Variants in PARP8 observed in about 807,000 individuals in gnomAD.
PARP8 encodes the protein poly(ADP-ribose) polymerase family member 8, also known as protein mono-ADP-ribosyltransferase PARP8.
Under a neutral mutation model 124.1 loss-of-function variants are expected in PARP8, and 51 were observed. The ratio of observed to expected loss-of-function variants is 0.41; its 90% confidence interval spans 0.33 to 0.52. The LOEUF (loss-of-function observed/expected upper bound fraction) is 0.52, where lower values mean the gene tolerates loss of function less well. Among genes scored for constraint, PARP8 ranks in the 20% least tolerant of loss-of-function variants. The probability of loss-of-function intolerance (pLI) is 0.21; values close to 1 mark genes in which losing one functional copy is unlikely to be tolerated. For missense variants in PARP8, 860 were observed against 1,018.9 expected (o/e 0.84, Z 2.12); for synonymous variants, 391 against 361.5 (o/e 1.08, Z -0.93).
At chr5:50,719,833 C>T (rs1755695117) in intron 2 of PARP8, among the ~76,000 whole-genome samples, 1 of 151,906 alleles carries the variant, frequency 6.6e-6, no homozygotes. Context: ...AGAAAGAATA[C>T]CCGTTGGTAA....
intron 14 of PARP8, among the ~76,000 whole-genome samples, chr5:50,813,124 G>A (rs1212679722): frequency 6.6e-6 from 1 of 152,128 alleles, no homozygotes; most frequent in Middle Eastern, 3.2e-3. Flanking sequence ...TTCCAATTCT[G>A]TGAAGAAAGT....
intron 2 of PARP8, among the ~76,000 whole-genome samples, chr5:50,721,230 T>C (rs1755847634): frequency 6.6e-6 from 1 of 152,044 alleles, no homozygotes; most frequent in Non-Finnish European, 1.5e-5. Context: ...CACCTGCGTA[T>C]AGTTTTCATT....
chr5:50,763,091 T>G (rs1234642757), intron 6 of PARP8, 57 bp from the exon 7 acceptor site: 6 of 1,394,934 alleles, frequency 4.3e-6, no homozygotes, highest in Non-Finnish European at 6.1e-6. Context: ...AAAAGGTTGC[T>G]TAAGTTTTTG....
chr5:50,774,843 G>C (rs1739773039), intron 7 of PARP8, among the ~76,000 whole-genome samples: 1 of 141,886 alleles, frequency 7.0e-6, no homozygotes, highest in Non-Finnish European at 1.5e-5. Context: ...CTTCCTAGAT[G>C]GGGTGGTGGC....
At chr5:50,808,131 G>A (rs1744063222) in intron 14 of PARP8, among the ~76,000 whole-genome samples, 1 of 151,904 alleles carries the variant, frequency 6.6e-6, no homozygotes, top group South Asian at 2.1e-4. Flanking sequence ...AATGACTGAG[G>A]CAGGTCTCAG....
At chr5:50,726,734 G>C (rs1561294640) in intron 2 of PARP8, among the ~76,000 whole-genome samples, 1 of 152,114 alleles carries the variant, frequency 6.6e-6, no homozygotes, top group East Asian at 1.9e-4. Flanking sequence ...GTGCAGGCTG[G>C]TCATATGCAA....
At chr5:50,734,975 A>C (rs1336741457) in intron 2 of PARP8, among the ~76,000 whole-genome samples, 1 of 152,148 alleles carries the variant, frequency 6.6e-6, no homozygotes, top group African/African-American at 2.4e-5. Context: ...TAAAATATGC[A>C]GAATAATATA....
At chr5:50,814,262 G>A (rs1385624278) in intron 14 of PARP8, among the ~76,000 whole-genome samples, 1 of 152,014 alleles carries the variant, frequency 6.6e-6, no homozygotes, top group Non-Finnish European at 1.5e-5. Context: ...AAAATTTAGG[G>A]TAAAGCATAT....
chr5:50,834,082 A>G (rs765399723), intron 24 of PARP8, 34 bp downstream of exon 24: 2 of 1,474,582 alleles, frequency 1.4e-6, no homozygotes, highest in Non-Finnish European at 1.9e-6. Flanking sequence ...TCATAGTGTT[A>G]GTTCCTAGCT....
intron 3 of PARP8, among the ~76,000 whole-genome samples, chr5:50,758,672 A>G (rs1199235648): frequency 6.6e-6 from 1 of 152,156 alleles, no homozygotes; most frequent in Non-Finnish European, 1.5e-5. Flanking sequence ...TAGGTCATTG[A>G]TGAGTGCATT....
intron 1 of PARP8, 53 bp from the exon 2 acceptor site, chr5:50,668,018 G>C (rs1749554724): frequency 6.2e-7 from 1 of 1,611,068 alleles, no homozygotes; most frequent in Admixed American, 1.7e-5. Flanking sequence ...TCCTGATCGG[G>C]GTTAAAACAA....
intron 3 of PARP8, among the ~76,000 whole-genome samples, chr5:50,752,666 A>G (rs1759388950): frequency 6.6e-6 from 1 of 152,012 alleles, no homozygotes; most frequent in African/African-American, 2.4e-5. Flanking sequence ...AGCTCTCTTT[A>G]ATGTTGCATT....
rs149858890 is a variant in PARP8, at chr5:50,709,955, T to TATATATATATACAC, written c.147-40195_147-40194insTATATATATACACA. Among the ~76,000 whole-genome samples the TATATATATATACAC allele has an allele frequency of 2.5e-3, 256 of 103,230 alleles. 4 individuals carry two copies. Among genetic ancestry groups the TATATATATATACAC allele is most frequent in the Non-Finnish European group, 4.0e-3 (201 of 49,712 alleles). 67.7% of individuals were successfully genotyped at this position (103,230 alleles called of 152,430 possible). On this transcript the variant is annotated intron_variant, in intron 2 of 25. Coordinates refer to ENST00000281631, the MANE Select transcript of PARP8 (RefSeq NM_024615.4). Reference sequence around the variant, plus strand: ...ATATATATATATATATATATATATATACACATACATATATACACACACACA... The same window carrying TATATATATATACAC: ...ATATATATATATATATATATATATATATATATATATACACACACATACATATATACACACACACA...
At chr5:50,783,357 G>A (rs1580328127) in intron 9 of PARP8, among the ~76,000 whole-genome samples, 1 of 152,154 alleles carries the variant, frequency 6.6e-6, no homozygotes, top group African/African-American at 2.4e-5. Context: ...GCCTAAAGGT[G>A]GAAGAATGAG....
intron 7 of PARP8, among the ~76,000 whole-genome samples, chr5:50,770,061 G>A (rs944961167): frequency 1.3e-5 from 2 of 151,552 alleles, no homozygotes; most frequent in African/African-American, 4.9e-5. Context: ...TGCTTTTTTG[G>A]TAATCTGCTT....
At chr5:50,839,658 C>G (rs1203187224) in intron 25 of PARP8, among the ~76,000 whole-genome samples, 2 of 71,536 alleles carry the variant, frequency 2.8e-5, no homozygotes, top group East Asian at 5.4e-4. Context: ...TACTGTCTCT[C>G]TCTTTCTTTC....
In PARP8 at chr5:50,747,857, C is replaced by T. The variant is rs1384652797; in HGVS notation, c.147-2294C>T. On this transcript the variant is annotated intron_variant, in intron 2 of 25. Transcript: ENST00000281631. ...GCGCGATCTCGGCTCACTTCAAGCTCCGCCTCCCGGGTTCACGCCATTCTC... is the reference window on the plus strand; with the variant it reads ...GCGCGATCTCGGCTCACTTCAAGCTTCGCCTCCCGGGTTCACGCCATTCTC... Among the ~76,000 whole-genome samples, 20 of 146,672 alleles carry T rather than the reference C, an allele frequency of 1.4e-4. 1 individual carries two copies. Among genetic ancestry groups the T allele is most frequent in the South Asian group, 8.6e-4 (4 of 4,634 alleles).
intron 2 of PARP8, among the ~76,000 whole-genome samples, chr5:50,708,423 CT>C (rs1010983416): frequency 1.3e-5 from 2 of 151,662 alleles, no homozygotes; most frequent in African/African-American, 4.8e-5. Flanking sequence ...GGTCATTTTT[CT>C]TTTTTTTAAT....
At chr5:50,825,233 GTTTGCCTA>G (rs1439509448) in intron 18 of PARP8, among the ~76,000 whole-genome samples, 1 of 152,128 alleles carries the variant, frequency 6.6e-6, no homozygotes, top group East Asian at 1.9e-4. Flanking sequence ...TTTGACAGCA[GTTTGCCTA>G]TAGTTTTAAA....
Sources: gnomAD v4.1 joint callset for allele counts (sites outside exome capture counted in the v4.1 genomes callset) on GRCh38, gnomAD v4.1.1 for gene constraint, MANE v1.5 for transcripts, NCBI Gene and HGNC (gene_info 2026-07-23, HGNC 2026-07-21) for gene names.